Variants in NR2E3 observed in about 807,000 individuals in gnomAD.
NR2E3 encodes the protein nuclear receptor subfamily 2 group E member 3, also known as photoreceptor-specific nuclear receptor.
In NR2E3, 38 loss-of-function variants were observed where a neutral mutation model predicts 37.6. That is an observed-to-expected ratio of 1.01 (90% confidence interval 0.78 to 1.33). NR2E3 has a LOEUF of 1.33. Ranked by LOEUF, NR2E3 falls within the 40% of genes most tolerant of loss-of-function variation. The pLI is 0.00. For synonymous variants in NR2E3, 235 were observed against 225.1 expected (o/e 1.04, Z -0.39); for missense variants, 562 against 558.7 (o/e 1.01, Z -0.06).
rs369582682 is a variant in NR2E3, at chr15:71,811,614, G to A, written c.245+5G>A. Reference sequence around the variant, plus strand: ...ACGGCGGAGGCTCATCTACAGGTGAGTGCGGTGGGCCCTGCTGGGCGTCTG... The same window carrying A: ...ACGGCGGAGGCTCATCTACAGGTGAATGCGGTGGGCCCTGCTGGGCGTCTG... On this transcript the variant is annotated splice_donor_5th_base_variant and intron_variant, in intron 2 of 7. Coordinates refer to ENST00000617575, the MANE Select transcript of NR2E3 (RefSeq NM_014249.4). The surrounding 1 kb of genome is among the most constrained non-coding windows in gnomAD (Gnocchi z 5.6). The A allele has an allele frequency of 3.1e-6, 5 of 1,603,144 alleles. No individual in the cohort carries two copies. The highest frequency in any genetic ancestry group is 4.3e-6 in the Non-Finnish European group (5 of 1,175,506).
At position 71,813,704 on chromosome 15, in the gene NR2E3, C is replaced by T. The variant is rs903026262; in HGVS notation, c.994+69C>T. 6.3e-7 allele frequency: 1 copy of T among 1,599,440 alleles called. No individual in the cohort carries two copies. The highest frequency in any genetic ancestry group is 8.5e-7 in the Non-Finnish European group (1 of 1,175,670). ...CTTCCATCTGCCTCTCACTCTCCCT[C>T]CACTACCCCCATGTGTGCAGATGTG... On this transcript the variant is annotated intron_variant, in intron 6 of 7. Transcript: ENST00000617575. The surrounding 1 kb of genome is among the most constrained non-coding windows in gnomAD (Gnocchi z 4.7).
intron 7 of NR2E3, among the ~76,000 whole-genome samples, chr15:71,815,934 C>T (rs2054223072): frequency 1.3e-5 from 2 of 152,176 alleles, no homozygotes; most frequent in African/African-American, 4.8e-5. Flanking sequence ...TCCTCCCACT[C>T]TAATTTAGAT....
intron 7 of NR2E3, 27 bp from the exon 8 acceptor site, chr15:71,817,525 A>G (rs1462739784): frequency 1.3e-6 from 2 of 1,568,698 alleles, no homozygotes; most frequent in South Asian, 2.3e-5. Context: ...TGGTCGTAAA[A>G]CTGATGGCGT....
rs180685840 is a variant in NR2E3, at chr15:71,814,882, A to T, written c.1100+765A>T. On this transcript the variant is annotated intron_variant, in intron 7 of 7. Coordinates refer to ENST00000617575, the MANE Select transcript of NR2E3 (RefSeq NM_014249.4). ...GACTCTAGGAGTTGAAATGGGTCAG[A>T]CCCGGTGTTTGGGTGAAGGTAAGGA... The T allele has an allele frequency of 3.2e-3, 3,144 of 985,500 alleles. 6 individuals are homozygous for T. The highest frequency in any genetic ancestry group is 3.6e-3 in the Non-Finnish European group (3,028 of 829,972). The allele number at this position is 985,500 out of a possible 1,614,324, so 61.0% of individuals were successfully genotyped here. A position where few individuals can be genotyped will look rare whatever the true frequency, so the allele number is the denominator to read the frequency against.
chr15:71,813,864 C>T lies in NR2E3; in HGVS notation c.995-148C>T. On this transcript the variant is annotated intron_variant, in intron 6 of 7. Transcript: ENST00000617575. The surrounding 1 kb of genome is among the most constrained non-coding windows in gnomAD (Gnocchi z 4.7). ...GGGAGACCCTGAGCCCCAGCCGGAG[C>T]CCCTGGTGGCTCCTCTGGGCCTGGC... is the stretch of plus-strand genomic sequence containing the variant. 6.6e-7 allele frequency: 1 copy of T among 1,504,220 alleles called. No individual in the cohort carries two copies. Among genetic ancestry groups the T allele is most frequent in the Non-Finnish European group, 8.9e-7 (1 of 1,128,866 alleles). 93.2% of individuals were successfully genotyped at this position (1,504,220 alleles called of 1,614,324 possible). A position where few individuals can be genotyped will look rare whatever the true frequency, so the allele number is the denominator to read the frequency against.
In NR2E3 at chr15:71,811,560, G is replaced by A. The variant is rs770937516; in HGVS notation, c.196G>A (p.Gly66Ser). 15 of 1,601,286 alleles carry A rather than the reference G, an allele frequency of 9.4e-6. No homozygotes were observed. The highest frequency in any genetic ancestry group is 1.2e-5 in the Non-Finnish European group (14 of 1,174,654). The change falls in exon 2 of 8, where the codon GGC (glycine) becomes AGC (serine). Residue 66 changes from glycine to serine, a missense_variant. Coordinates refer to ENST00000617575, the MANE Select transcript of NR2E3 (RefSeq NM_014249.4). This position sits in a 1 kb window ranked among gnomAD's most constrained non-coding sequence, Gnocchi z 5.6. The stretch of plus-strand genomic sequence containing the variant: ...GCACTATGGCATCTATGCCTGCAAC[G>A]GCTGCAGCGGCTTCTTCAAGAGGAG... ...GKHYGIYACN[G>S]CSGFFKRSVR...
chr15:71,817,639 G>A lies in NR2E3; in HGVS notation c.1188G>A (p.Gly396=). 1 of 1,609,952 alleles carries A rather than the reference G, an allele frequency of 6.2e-7. No homozygotes were observed. Among genetic ancestry groups the A allele is most frequent in the South Asian group, 1.1e-5 (1 of 90,948 alleles). ...TCCTCTTTTTCCGCAAGACCATAGGGAATACTCCAATGGAGAAGCTCCTTT... is the reference window on the plus strand; with the variant it reads ...TCCTCTTTTTCCGCAAGACCATAGGAAATACTCCAATGGAGAAGCTCCTTT... ...IELLFFRKTI[G]NTPMEKLLCD... The change falls in exon 8 of 8, where the codon GGG becomes GGA. Residue 396 remains glycine (G), a synonymous_variant. Coordinates refer to ENST00000617575, the MANE Select transcript of NR2E3 (RefSeq NM_014249.4).
chr15:71,810,794 G>C lies in NR2E3; in HGVS notation c.51G>C (p.Ala17=). The C allele has an allele frequency of 6.3e-7, 1 of 1,575,748 alleles. No homozygotes were observed. Among genetic ancestry groups the C allele is most frequent in the Non-Finnish European group, 8.6e-7 (1 of 1,161,268 alleles). Reference sequence around the variant, plus strand: ...TGAGCTCCACAGTGGCTGCAGCTGCGCCTGCAGCTGGGGCTGCCTCCAGGA... The same window carrying C: ...TGAGCTCCACAGTGGCTGCAGCTGCCCCTGCAGCTGGGGCTGCCTCCAGGA... ...ALMSSTVAAA[A]PAAGAASRKE... The change falls in exon 1 of 8, where the codon GCG becomes GCC. Residue 17 remains alanine (A), a synonymous_variant. Transcript: ENST00000617575.
rs2054193734 is a variant in NR2E3, at chr15:71,812,516, C to T, written c.747+5C>T. 6.2e-7 allele frequency: 1 copy of T among 1,600,858 alleles called. No homozygotes were observed. On this transcript the variant is annotated splice_donor_5th_base_variant and intron_variant, in intron 5 of 7. Coordinates refer to ENST00000617575, the MANE Select transcript of NR2E3 (RefSeq NM_014249.4). ...AGCCTGCCCTTCCGGGATCAGGTAC[C>T]TACCGGCCTGCCTGCTGGGGAGCTA...
In NR2E3 at chr15:71,812,179, G is replaced by A; in HGVS notation, c.571+3G>A. 1 of 1,588,308 alleles carries A rather than the reference G, an allele frequency of 6.3e-7. No homozygotes were observed. Among genetic ancestry groups the A allele is most frequent in the South Asian group, 1.1e-5 (1 of 87,836 alleles). ...TGCTAAGCTGGAGCCAGAGGATGGT[G>A]AGTGGGAGAGCAGCTGAGGGCACAG... On this transcript the variant is annotated splice_donor_region_variant and intron_variant, in intron 4 of 7. Transcript: ENST00000617575.
In NR2E3 at chr15:71,813,269, C is replaced by T. The variant is rs1394829081; in HGVS notation, c.748-120C>T. 2.9e-6 allele frequency: 4 copies of T among 1,367,498 alleles called. No individual in the cohort carries two copies. Among genetic ancestry groups the T allele is most frequent in the East Asian group, 5.0e-5 (2 of 39,880 alleles). 84.7% of individuals were successfully genotyped at this position (1,367,498 alleles called of 1,614,324 possible). A position where few individuals can be genotyped will look rare whatever the true frequency, so the allele number is the denominator to read the frequency against. ...GAGCCTCTGGCTGATGTCAGGAGAG[C>T]ATTCTCGGGTCCCAGGACAGCACTT... is the stretch of plus-strand genomic sequence containing the variant. On this transcript the variant is annotated intron_variant, in intron 5 of 7. Coordinates refer to ENST00000617575, the MANE Select transcript of NR2E3 (RefSeq NM_014249.4). The surrounding 1 kb of genome is among the most constrained non-coding windows in gnomAD (Gnocchi z 4.7).
chr15:71,812,261 T>A, intron 4 of NR2E3, 75 bp from the exon 5 acceptor site: 1 of 1,609,088 alleles, frequency 6.2e-7, no homozygotes, highest in Non-Finnish European at 8.5e-7. Flanking sequence ...TGATCCTCCC[T>A]CCCCCGGGGC....
chr15:71,818,097 G>C lies in NR2E3; in HGVS notation c.*413G>C. On this transcript the variant is annotated 3_prime_UTR_variant, in exon 8 of 8. Coordinates refer to ENST00000617575, the MANE Select transcript of NR2E3 (RefSeq NM_014249.4). Reference sequence around the variant, plus strand: ...TTCTGGGTGGTGGGGGATTGATACAGAGGGGGCTCATGGGAGCCCTCTGGT... The same window carrying C: ...TTCTGGGTGGTGGGGGATTGATACACAGGGGGCTCATGGGAGCCCTCTGGT... 6.3e-6 allele frequency: 1 copy of C among 157,612 alleles called. No homozygotes were observed. The highest frequency in any genetic ancestry group is 1.4e-5 in the Non-Finnish European group (1 of 71,030). The allele number at this position is 157,612 out of a possible 1,614,324, so 9.8% of individuals were successfully genotyped here. A position where few individuals can be genotyped will look rare whatever the true frequency, so the allele number is the denominator to read the frequency against.
intron 7 of NR2E3, 33 bp from the exon 8 acceptor site, chr15:71,817,519 C>T (rs768787982): frequency 1.0e-5 from 16 of 1,566,232 alleles, no homozygotes; most frequent in Admixed American, 5.1e-5. Context: ...AGAAGCTGGT[C>T]GTAAAACTGA....
Position 71,811,508 on chromosome 15 carries a change from C to T in NR2E3, c.144C>T (p.Arg48=), listed in dbSNP as rs781059369. The T allele has an allele frequency of 1.1e-5, 18 of 1,566,220 alleles. No homozygotes were observed. The highest frequency in any genetic ancestry group is 9.5e-5 in the East Asian group (4 of 41,886). The part of the protein sequence containing the change: ...PTGVSPSLQC[R]VCGDSSSGKH... ...GCGTGAGCCCCTCGCTCCAGTGCCG[C>T]GTGTGCGGAGACAGCAGCAGCGGGA... The change falls in exon 2 of 8, where the codon CGC becomes CGT. Residue 48 remains arginine (R), a synonymous_variant. Coordinates refer to ENST00000617575, the MANE Select transcript of NR2E3 (RefSeq NM_014249.4). This position sits in a 1 kb window ranked among gnomAD's most constrained non-coding sequence, Gnocchi z 5.6.
In NR2E3 at chr15:71,814,021, G is replaced by A. The variant is rs1328293466; in HGVS notation, c.1004G>A (p.Gly335Asp). The A allele has an allele frequency of 1.2e-6, 2 of 1,611,860 alleles. No individual in the cohort carries two copies. The highest frequency in any genetic ancestry group is 2.2e-5 in the East Asian group (1 of 44,868). ...ALVLFKPETRGLKDPEHVEAL... is the reference protein window; with the variant it reads ...ALVLFKPETRDLKDPEHVEAL... ...TGCTGCTTCTCCCCAGAGACGCGGG[G>A]CCTGAAGGATCCTGAGCACGTAGAG... Residue 335 changes from glycine to aspartate, a missense_variant, in exon 7 of 8, where the codon GGC becomes GAC. Gly to Asp is a moderately conservative substitution (Grantham distance 94). Coordinates refer to ENST00000617575, the MANE Select transcript of NR2E3 (RefSeq NM_014249.4).
Position 71,810,880 on chromosome 15 carries a change from G to A in NR2E3, c.118+19G>A, listed in dbSNP as rs763179544. 6.5e-7 allele frequency: 1 copy of A among 1,541,226 alleles called. No individual in the cohort carries two copies. Among genetic ancestry groups the A allele is most frequent in the African/African-American group, 1.4e-5 (1 of 72,864 alleles). On this transcript the variant is annotated intron_variant, in intron 1 of 7. Transcript: ENST00000617575. The stretch of plus-strand genomic sequence containing the variant: ...CCCACAGGTATGGCTTCTCCTGGAG[G>A]TAGGGTTGGGTCTGGGCCCTTGGGG...
intron 4 of NR2E3, 53 bp from the exon 5 acceptor site, chr15:71,812,279 ACTCC>A (rs1567160174): frequency 6.2e-7 from 1 of 1,611,866 alleles, no homozygotes; most frequent in African/African-American, 1.3e-5. Context: ...GGCTCCAAGT[ACTCC>A]CTGCCACCTC....
chr15:71,812,574 C>T, intron 5 of NR2E3, 63 bp downstream of exon 5: 1 of 1,445,234 alleles, frequency 6.9e-7, no homozygotes, highest in Non-Finnish European at 9.3e-7. Flanking sequence ...CCACTCGAGT[C>T]AACCAGACAG....
Sources: allele counts gnomAD v4.1 joint callset (sites outside exome capture counted in the v4.1 genomes callset), GRCh38; gene constraint gnomAD v4.1.1; non-coding constraint Gnocchi (gnomAD v3.1); transcripts MANE v1.5; gene names NCBI Gene and HGNC (gene_info 2026-07-23, HGNC 2026-07-21).